Variants in DAB2IP observed in about 807,000 individuals in gnomAD.
DAB2IP encodes DAB2 interacting protein.
A neutral mutation model predicts 107.2 loss-of-function variants in DAB2IP; 28 were observed. That is an observed-to-expected ratio of 0.26 (90% CI 0.19 to 0.36). DAB2IP has a LOEUF of 0.36. Ranked by LOEUF, DAB2IP falls within the 10% of genes least tolerant of loss-of-function variation. The pLI, the probability that DAB2IP is intolerant of heterozygous loss-of-function variation, is 1.00. For missense variants in DAB2IP, 1,400 were observed against 1,644.7 expected (o/e 0.85, Z 2.57); for synonymous variants, 755 against 706.4 (o/e 1.07, Z -1.09).
chr9:121,583,862 G>A (rs2118911970), intron 1 of DAB2IP, among the ~76,000 whole-genome samples: 1 of 152,288 alleles, frequency 6.6e-6, no homozygotes, highest in South Asian at 2.1e-4. Flanking sequence ...TTGGACTAGA[G>A]CAGCTCACCA....
In DAB2IP at chr9:121,699,524, G is replaced by A. The variant is rs1437202126; in HGVS notation, c.362+66G>A. On this transcript the variant is annotated intron_variant, in intron 3 of 15. Coordinates refer to ENST00000408936, the Ensembl canonical transcript of DAB2IP. The surrounding 1 kb of genome is among the most constrained non-coding windows in gnomAD (Gnocchi z 6.2). ...CCGGGCTGCGCCCCTGAGGACGCGG[G>A]GACAAAGCGCGAGCCCGGCCCGGGG... The A allele has an allele frequency of 3.4e-6, 4 of 1,182,954 alleles. No homozygotes were observed. The highest frequency in any genetic ancestry group is 3.8e-5 in the South Asian group (1 of 26,488). 73.3% of individuals were successfully genotyped at this position (1,182,954 alleles called of 1,614,324 possible).
intron 14 of DAB2IP, among the ~76,000 whole-genome samples, chr9:121,779,431 G>A (rs868649614): frequency 6.6e-6 from 1 of 152,112 alleles, no homozygotes; most frequent in South Asian, 2.1e-4. Flanking sequence ...GTAATTTTTG[G>A]TTGGATGCCA....
chr9:121,619,937 G>A (rs1219559318), intron 1 of DAB2IP, among the ~76,000 whole-genome samples: 1 of 151,898 alleles, frequency 6.6e-6, no homozygotes, highest in African/African-American at 2.4e-5. Context: ...CTATTTGGGT[G>A]GAGTTAAACT....
intron 3 of DAB2IP, among the ~76,000 whole-genome samples, chr9:121,739,616 T>C (rs548304909): frequency 1.2e-4 from 19 of 152,180 alleles, no homozygotes; most frequent in Admixed American, 7.2e-4. Flanking sequence ...TTGGATTGGA[T>C]TCCAAAGGCC....
chr9:121,607,016 C>G (rs1830905519), intron 1 of DAB2IP, among the ~76,000 whole-genome samples: 1 of 152,012 alleles, frequency 6.6e-6, no homozygotes, highest in Non-Finnish European at 1.5e-5. Flanking sequence ...CTTAAGTGAT[C>G]CACCCACCTG....
upstream of DAB2IP, among the ~76,000 whole-genome samples, chr9:121,649,845 G>A (rs1832677727): frequency 6.6e-6 from 1 of 152,206 alleles, no homozygotes; most frequent in Admixed American, 6.5e-5. Flanking sequence ...TTTTAGAGAC[G>A]TTCCTGCACC....
At chr9:121,715,646 C>G (rs1329484807) in intron 3 of DAB2IP, among the ~76,000 whole-genome samples, 1 of 152,146 alleles carries the variant, frequency 6.6e-6, no homozygotes, top group Non-Finnish European at 1.5e-5. Flanking sequence ...AGCCACTGCA[C>G]CCGGCCATGA....
In DAB2IP at chr9:121,772,231, C is replaced by T. The variant is rs944222070; in HGVS notation, c.2079-376C>T. 6.6e-6 allele frequency among the ~76,000 whole-genome samples: 1 copy of T among 152,206 alleles called. No individual in the cohort carries two copies. Among genetic ancestry groups the T allele is most frequent in the Non-Finnish European group, 1.5e-5 (1 of 68,024 alleles). On this transcript the variant is annotated intron_variant, in intron 11 of 15. Coordinates refer to ENST00000408936, the Ensembl canonical transcript of DAB2IP. The surrounding 1 kb of genome is among the most constrained non-coding windows in gnomAD (Gnocchi z 4.7). ...GACTCTGAAGTTGGGGTTCTCAATG[C>T]AGGATCCGTGGATAGCAGAGAGCCA... is the stretch of plus-strand genomic sequence containing the variant.
At chr9:121,742,167 C>G (rs139821920) in intron 3 of DAB2IP, among the ~76,000 whole-genome samples, 1,743 of 152,272 alleles carry the variant, frequency 0.011, 31 homozygotes, top group African/African-American at 0.039. Context: ...GTGGCTCATG[C>G]CTATAATCCC....
chr9:121,692,482 G>A (rs1829212392), intron 2 of DAB2IP, among the ~76,000 whole-genome samples: 1 of 152,152 alleles, frequency 6.6e-6, no homozygotes, highest in South Asian at 2.1e-4. Context: ...TGTCTTTCCA[G>A]GCAGTATTTT....
chr9:121,670,745 A>AGTGG (rs1833646060), intron 1 of DAB2IP, among the ~76,000 whole-genome samples: 1 of 152,184 alleles, frequency 6.6e-6, no homozygotes, highest in Non-Finnish European at 1.5e-5. Context: ...GGCCGGGCAC[A>AGTGG]GTGGGTCACG....
At chr9:121,590,074 G>A (rs1389311859) in intron 1 of DAB2IP, among the ~76,000 whole-genome samples, 3 of 151,540 alleles carry the variant, frequency 2.0e-5, no homozygotes, top group Non-Finnish European at 4.4e-5. Context: ...CTCAGAACAG[G>A]TCTTCCCTGG....
chr9:121,642,475 C>T (rs1589443229), intron 1 of DAB2IP, among the ~76,000 whole-genome samples: 2 of 147,650 alleles, frequency 1.4e-5, no homozygotes, highest in Middle Eastern at 3.5e-3. Flanking sequence ...GCCACCACAC[C>T]TGGCTTTTTT....
At chr9:121,643,637 G>A (rs1387844976) in intron 1 of DAB2IP, among the ~76,000 whole-genome samples, 4 of 152,010 alleles carry the variant, frequency 2.6e-5, no homozygotes, top group Non-Finnish European at 4.4e-5. Flanking sequence ...TCGCTATGCA[G>A]TCAACTCCTA....
intron 1 of DAB2IP, chr9:121,567,233 G>A: frequency 6.2e-7 from 1 of 1,614,016 alleles, no homozygotes; most frequent in Non-Finnish European, 8.5e-7. Flanking sequence ...CCTACGGTAA[G>A]ACGGTGCCAG....
At chr9:121,763,583 C>G in exon 7 of DAB2IP, 1 of 1,613,954 alleles carries the variant, frequency 6.2e-7, no homozygotes, top group Non-Finnish European at 8.5e-7. Context: ...GGAGAACACA[C>G]TGGCCACCAA....
rs201505312 is a variant in DAB2IP at position 121,715,347 on chromosome 9, C to CTT, written c.362+15891_362+15892dup. Among the ~76,000 whole-genome samples the CTT allele has an allele frequency of 1.3e-3, 192 of 148,660 alleles. 2 individuals carry two copies. Among genetic ancestry groups the CTT allele is most frequent in the African/African-American group, 4.5e-3 (180 of 39,632 alleles). ...GGTAGTTTTCTTTTTCTTTTTCTTTCTTTCTTTTTTTTTTTTTTGAGACAG... is the reference window on the plus strand; with the variant it reads ...GGTAGTTTTCTTTTTCTTTTTCTTTCTTTTTCTTTTTTTTTTTTTTGAGACAG... On this transcript the variant is annotated intron_variant, in intron 3 of 15. Transcript: ENST00000408936.
chr9:121,628,652 C>G (rs928853474), intron 1 of DAB2IP, among the ~76,000 whole-genome samples: 8 of 152,166 alleles, frequency 5.3e-5, no homozygotes, highest in Non-Finnish European at 1.0e-4. Context: ...GAGGCAGTGT[C>G]TCTGGGCTCC....
chr9:121,754,206 C>G (rs1453373951), intron 3 of DAB2IP, among the ~76,000 whole-genome samples: 1 of 152,188 alleles, frequency 6.6e-6, no homozygotes, highest in African/African-American at 2.4e-5. Flanking sequence ...ATGGGCACAC[C>G]CTGGCAGGGT....
Sources: allele counts gnomAD v4.1 joint callset (sites outside exome capture counted in the v4.1 genomes callset), GRCh38; gene constraint gnomAD v4.1.1; non-coding constraint Gnocchi (gnomAD v3.1); transcripts MANE v1.5; gene names NCBI Gene and HGNC (gene_info 2026-07-23, HGNC 2026-07-21).